Variants in CEP350 observed in about 807,000 individuals in gnomAD.
CEP350 encodes centrosomal protein 350.
A neutral mutation model predicts 331.8 loss-of-function variants in CEP350; 126 were observed. That is an observed-to-expected ratio of 0.38 (90% CI 0.33 to 0.44). The LOEUF is 0.44. Among genes scored for constraint, CEP350 ranks in the 20% least tolerant of loss-of-function variants. The probability of loss-of-function intolerance (pLI) is 1.00; values close to 1 mark genes in which losing one functional copy is unlikely to be tolerated. For missense variants in CEP350, 3,406 were observed against 3,634.6 expected, an observed-to-expected ratio of 0.94 and a Z score of 1.62; for synonymous variants, 1,200 against 1,259.5, an observed-to-expected ratio of 0.95 and a Z score of 1.00.
At chr1:180,108,645 A>T (rs1661291102) in intron 37 of CEP350, among the ~76,000 whole-genome samples, 2 of 152,374 alleles carry the variant, frequency 1.3e-5, no homozygotes, top group South Asian at 4.1e-4. Context: ...AAGAAGTCTT[A>T]TATTAGGCTG....
intron 10 of CEP350, among the ~76,000 whole-genome samples, chr1:180,015,272 C>T (rs1056899889): frequency 2.6e-5 from 4 of 151,880 alleles, no homozygotes; most frequent in East Asian, 1.9e-4. Flanking sequence ...GTCTCCCTGT[C>T]GCCCAGGCTG....
At chr1:180,086,560 T>A (rs867572055) in intron 31 of CEP350, among the ~76,000 whole-genome samples, 36 of 133,524 alleles carry the variant, frequency 2.7e-4, no homozygotes, top group African/African-American at 4.6e-4. Flanking sequence ...TATATATATA[T>A]AAAATACATA....
intron 19 of CEP350, among the ~76,000 whole-genome samples, chr1:180,042,130 T>TCACACACA (rs533781557): frequency 1.4e-4 from 10 of 69,112 alleles, no homozygotes; most frequent in East Asian, 4.9e-4. Context: ...GTGAGTTTTC[T>TCACACACA]CTCACACACA....
At chr1:180,054,857 A>G (rs1175203444) in intron 25 of CEP350, among the ~76,000 whole-genome samples, 1 of 152,212 alleles carries the variant, frequency 6.6e-6, no homozygotes, top group African/African-American at 2.4e-5. Context: ...CTAGACTTTC[A>G]TGACATATTA....
rs375141734 is a variant in CEP350 at position 180,045,752 on chromosome 1, A to G, written c.4622+1579A>G. ...CCAGAGTGATTTTTGTAAAATTTCT[A>G]GCCAATTTGGTTATTCACCTATTTG... is the stretch of plus-strand genomic sequence containing the variant. On this transcript the variant is annotated intron_variant, in intron 21 of 37. Transcript: ENST00000367607. Among the ~76,000 whole-genome samples the G allele has an allele frequency of 3.3e-5, 5 of 152,314 alleles. No homozygotes were observed. In the East Asian group the frequency reaches 9.7e-4, roughly 29 times the overall value.
intron 1 of CEP350, among the ~76,000 whole-genome samples, chr1:179,979,224 A>G (rs1379167038): frequency 6.6e-6 from 1 of 151,992 alleles, no homozygotes; most frequent in Non-Finnish European, 1.5e-5. Context: ...TATCCTCGCT[A>G]GCATTTGTTG....
chr1:180,077,614 CT>C (rs1417014520), intron 28 of CEP350, among the ~76,000 whole-genome samples: 8 of 135,808 alleles, frequency 5.9e-5, no homozygotes, highest in Non-Finnish European at 1.1e-4. Context: ...CTGCAGTGAC[CT>C]GTTCGTGCCA....
At chr1:179,958,837 A>G (rs906527778) in intron 1 of CEP350, among the ~76,000 whole-genome samples, 2 of 152,198 alleles carry the variant, frequency 1.3e-5, no homozygotes, top group African/African-American at 4.8e-5. Flanking sequence ...GCACTATACT[A>G]TAGAATATGA....
At position 180,094,376 on chromosome 1, in the gene CEP350, T is replaced by G; in HGVS notation, c.8271T>G (p.Ser2757Arg). Residue 2757 changes from serine to arginine, a missense_variant, in exon 34 of 38, where the codon AGT becomes AGG. This residue lies in a region of CEP350 where 1,415 missense variants were observed against 1,512.3 expected (regional missense o/e 0.94). Coordinates refer to ENST00000367607, the MANE Select transcript of CEP350 (RefSeq NM_014810.5). ...AAAAAATCAGCTTACTGACAGACAG[T>G]TTACTAAAAGTCTTTGTAAAGGACA... is the stretch of plus-strand genomic sequence containing the variant. Reference protein sequence around the residue: ...QLEKISLLTDSLLKVFVKDTV... With the variant: ...QLEKISLLTDRLLKVFVKDTV... 1.2e-6 allele frequency: 2 copies of G among 1,613,722 alleles called. No individual in the cohort carries two copies.
intron 37 of CEP350, among the ~76,000 whole-genome samples, chr1:180,100,409 CCTTTA>C (rs1162127740): frequency 4.6e-5 from 7 of 152,156 alleles, no homozygotes; most frequent in African/African-American, 1.7e-4. Flanking sequence ...GTTGTTACTT[CCTTTA>C]CTTCTTAGGA....
chr1:180,053,532 G>A (rs1305323282), intron 23 of CEP350, among the ~76,000 whole-genome samples: 2 of 152,228 alleles, frequency 1.3e-5, no homozygotes, highest in Non-Finnish European at 2.9e-5. Flanking sequence ...CCTTGGGACA[G>A]TAATTGGCTT....
At chr1:179,986,122 A>G in intron 1 of CEP350, 47 bp from the exon 2 acceptor site, 3 of 1,396,894 alleles carry the variant, frequency 2.1e-6, no homozygotes, top group Non-Finnish European at 3.0e-6. Flanking sequence ...TCTAAGGAAA[A>G]GTAATATTAT....
intron 1 of CEP350, among the ~76,000 whole-genome samples, chr1:179,974,498 C>T (rs898448553): frequency 2.6e-5 from 4 of 152,216 alleles, no homozygotes; most frequent in African/African-American, 4.8e-5. Flanking sequence ...TTAAGGACCA[C>T]ACAACCTTGT....
At chr1:179,998,788 A>G (rs904672989) in intron 6 of CEP350, among the ~76,000 whole-genome samples, 2 of 152,046 alleles carry the variant, frequency 1.3e-5, no homozygotes, top group Non-Finnish European at 2.9e-5. Flanking sequence ...GTTTTCGCCA[A>G]TTATTAGTTT....
chr1:179,983,763 T>C (rs1652454301), intron 1 of CEP350, among the ~76,000 whole-genome samples: 1 of 152,220 alleles, frequency 6.6e-6, no homozygotes, highest in Non-Finnish European at 1.5e-5. Flanking sequence ...AAATAATGTT[T>C]ATCAAATATG....
intron 8 of CEP350, among the ~76,000 whole-genome samples, chr1:180,007,474 G>GTT (rs1303965264): frequency 5.9e-5 from 9 of 152,240 alleles, no homozygotes; most frequent in Middle Eastern, 6.8e-3. Flanking sequence ...TTGTAAATTT[G>GTT]TTTAAGTTCC....
intron 32 of CEP350, 106 bp from the exon 33 acceptor site, chr1:180,090,601 GACATACC>G: frequency 1.8e-6 from 1 of 568,584 alleles, no homozygotes; most frequent in Non-Finnish European, 2.5e-6. Flanking sequence ...GACATAGATT[GACATACC>G]TACTGTAGAG....
rs887218205 is a variant in CEP350 at position 180,053,918 on chromosome 1, T to A, written c.5158T>A (p.Leu1720Ile). 3.9e-6 allele frequency: 6 copies of A among 1,553,502 alleles called. No homozygotes were observed. The highest frequency in any genetic ancestry group is 2.0e-5 in the Admixed American group (1 of 48,800). ...KEKTKAELAW[L>I]EHQKKHLRDK... ...GAAGACTAAGGCTGAATTGGCCTGGTTAGAGCATCAAAAAAAGTAAGTTCT... is the reference window on the plus strand; with the variant it reads ...GAAGACTAAGGCTGAATTGGCCTGGATAGAGCATCAAAAAAAGTAAGTTCT... Residue 1720 changes from leucine to isoleucine, a missense_variant, in exon 24 of 38, where the codon TTA (leucine) becomes ATA (isoleucine). By Grantham distance (5) the Leu-to-Ile change is conservative. Around this residue, in one of 5 missense-constraint regions of CEP350, gnomAD observed 104 missense variants for 143.3 expected, o/e 0.73. Coordinates refer to ENST00000367607, the MANE Select transcript of CEP350 (RefSeq NM_014810.5).
In CEP350 at chr1:179,986,190, C is replaced by G. The variant is rs1295835503; in HGVS notation, c.9C>G (p.Ser3Arg). The G allele has an allele frequency of 1.9e-6, 3 of 1,551,030 alleles. No homozygotes were observed. Among genetic ancestry groups the G allele is most frequent in the Non-Finnish European group, 2.6e-6 (3 of 1,146,676 alleles). Residue 3 changes from serine (S) to arginine (R), a missense_variant, in exon 2 of 38, where the codon AGC (serine) becomes AGG (arginine). Around this residue, in one of 5 missense-constraint regions of CEP350, gnomAD observed 1,857 missense variants for 1,909.2 expected, o/e 0.97. Transcript: ENST00000367607. MRSSKSKEVPLPN... is the reference protein window; with the variant it reads MRRSKSKEVPLPN... ...GCAGGTAAATTGGCAGGATGAGGAG[C>G]AGCAAATCAAAAGAGGTGCCTTTAC...
Sources: gnomAD v4.1 joint callset for allele counts (sites outside exome capture counted in the v4.1 genomes callset) on GRCh38, gnomAD v4.1.1 for gene constraint, gnomAD v4.1.1 regional missense constraint, MANE v1.5 for transcripts, NCBI Gene and HGNC (gene_info 2026-07-23, HGNC 2026-07-21) for gene names.